PIH1D2: variants seen among roughly 807,000 people sequenced by gnomAD.
PIH1D2 encodes PIH1 domain-containing protein 2.
In PIH1D2, 25 loss-of-function variants were observed where a neutral mutation model predicts 31.2. That is an observed-to-expected ratio of 0.80 (90% confidence interval 0.58 to 1.12). The LOEUF (loss-of-function observed/expected upper bound fraction) is 1.12, where lower values mean the gene tolerates loss of function less well. Among genes scored for constraint, PIH1D2 ranks in the 50% most tolerant of loss-of-function variants. The pLI is 0.00. For synonymous variants in PIH1D2, 116 were observed against 119.9 expected (o/e 0.97, Z 0.21); for missense variants, 310 against 356.6 (o/e 0.87, Z 1.05).
chr11:112,060,918 A>C, downstream of PIH1D2: 1 of 796,844 alleles, frequency 1.3e-6, no homozygotes, highest in Non-Finnish European at 2.0e-6. Context: ...TGTGTATTCC[A>C]TTCAGGCCTT....
chr11:112,071,538 C>A lies in PIH1D2; in HGVS notation c.301+97G>T, dbSNP rs115373177. 2.1e-4 allele frequency: 305 copies of A among 1,432,864 alleles called. No homozygotes were observed. The African/African-American group carries it at 4.1e-3, about 19-fold the overall frequency. 88.8% of individuals were successfully genotyped at this position (1,432,864 alleles called of 1,614,324 possible). Reference sequence around the variant, plus strand: ...ACACTAATTGTAATTATATTATCAACAAATAAAGAGTTTTACTTGAAATGC... The same window carrying A: ...ACACTAATTGTAATTATATTATCAAAAAATAAAGAGTTTTACTTGAAATGC... On this transcript the variant is annotated intron_variant, in intron 3 of 5. Coordinates refer to ENST00000280350, the MANE Select transcript of PIH1D2 (RefSeq NM_138789.4).
chr11:112,073,274 G>T, intron 1 of PIH1D2, 69 bp from the exon 2 acceptor site: 1 of 1,107,984 alleles, frequency 9.0e-7, no homozygotes, highest in Non-Finnish European at 1.3e-6. Flanking sequence ...GCTTTGGGGA[G>T]GTGGAATGGG....
rs79835487 is a variant in PIH1D2 at position 112,073,978 on chromosome 11, A to C, written c.-32+2T>G. ...AATCATTCTATAGGTTGGCAAACCC[A>C]CCTCTTCTCTCAGTTCCTTGACAAA... On this transcript the variant is annotated splice_donor_variant, in intron 1 of 5. Coordinates refer to ENST00000280350, the MANE Select transcript of PIH1D2 (RefSeq NM_138789.4). LOFTEE classifies it low-confidence loss of function (5UTR_SPLICE). 9.1e-3 allele frequency: 1,520 copies of C among 166,968 alleles called. 29 individuals are homozygous for C. The highest frequency in any genetic ancestry group is 0.034 in the African/African-American group (1,425 of 42,104). The allele number at this position is 166,968 out of a possible 1,614,324, so 10.3% of individuals were successfully genotyped here.
downstream of PIH1D2, chr11:112,060,147 T>A (rs2135157763): frequency 9.3e-6 from 12 of 1,285,328 alleles, 1 homozygote; most frequent in South Asian, 1.4e-4. Flanking sequence ...ACCTTTTGAT[T>A]CTGTCACGTA....
At chr11:112,062,034 TGA>T (rs1263660070), downstream of PIH1D2, among the ~76,000 whole-genome samples, 3 of 152,242 alleles carry the variant, frequency 2.0e-5, no homozygotes, top group Non-Finnish European at 4.4e-5. Context: ...TTATTCTAGG[TGA>T]GGAGTCAGCA....
At chr11:112,071,436 T>C (rs1865106762) in intron 3 of PIH1D2, among the ~76,000 whole-genome samples, 153 bp from the exon 4 acceptor site, 1 of 152,220 alleles carries the variant, frequency 6.6e-6, no homozygotes. Flanking sequence ...AATTATGACA[T>C]TTCTTGGCAC....
chr11:112,053,812 A>C, the PIH1D2 span, among the ~76,000 whole-genome samples: 1 of 152,086 alleles, frequency 6.6e-6, no homozygotes, highest in African/African-American at 2.4e-5. Flanking sequence ...CAGATTTCCA[A>C]ATAACATTTT....
At chr11:112,058,635 G>GGA (rs1352684409), downstream of PIH1D2, among the ~76,000 whole-genome samples, 21 of 122,236 alleles carry the variant, frequency 1.7e-4, no homozygotes, top group African/African-American at 4.2e-4. Flanking sequence ...TGGGGGGGGG[G>GGA]AATCACCTTT....
At chr11:112,055,510 C>T in the PIH1D2 span, among the ~76,000 whole-genome samples, 4 of 152,042 alleles carry the variant, frequency 2.6e-5, no homozygotes, top group African/African-American at 9.7e-5. Flanking sequence ...TCCCAAAGTG[C>T]TGGGATTACA....
chr11:112,056,200 T>A, the PIH1D2 span, among the ~76,000 whole-genome samples: 1 of 152,158 alleles, frequency 6.6e-6, no homozygotes, highest in Non-Finnish European at 1.5e-5. Flanking sequence ...ATTTGCCATT[T>A]TACGTATCAT....
chr11:112,073,320 G>T, intron 1 of PIH1D2, 115 bp from the exon 2 acceptor site: 1 of 647,076 alleles, frequency 1.5e-6, no homozygotes, highest in Non-Finnish European at 2.5e-6. Context: ...GACAGCATTT[G>T]TGTCTAAAAG....
chr11:112,056,307 AC>A, the PIH1D2 span, among the ~76,000 whole-genome samples: 1 of 152,044 alleles, frequency 6.6e-6, no homozygotes. Context: ...AATTTTCATC[AC>A]CCCCAAAAGA....
At chr11:112,062,571 C>T (rs587683261), downstream of PIH1D2, 2 of 1,605,094 alleles carry the variant, frequency 1.2e-6, no homozygotes. Context: ...CCAGGTCACA[C>T]TGATTCATTC....
chr11:112,064,651 A>T (rs1420241968), downstream of PIH1D2, among the ~76,000 whole-genome samples: 2 of 152,150 alleles, frequency 1.3e-5, no homozygotes, highest in Non-Finnish European at 1.5e-5. Flanking sequence ...TTTATTCCCA[A>T]TTCTGAAGCT....
At chr11:112,061,790 G>A (rs1566642961), downstream of PIH1D2, among the ~76,000 whole-genome samples, 1 of 152,122 alleles carries the variant, frequency 6.6e-6, no homozygotes, top group East Asian at 1.9e-4. Context: ...TCACCATGTA[G>A]GCCAGGCTGG....
At chr11:112,063,417 A>C (rs149883921), downstream of PIH1D2, 1 of 152,716 alleles carries the variant, frequency 6.5e-6, no homozygotes, top group African/African-American at 2.4e-5. Context: ...CTATCAAATA[A>C]CTAAGGAATA....
At chr11:112,060,158 ATT>A (rs782188808), downstream of PIH1D2, 29,376 of 547,196 alleles carry the variant, frequency 0.054, 34 homozygotes, top group African/African-American at 0.1. Flanking sequence ...CTGTCACGTA[ATT>A]TTTTTTTTTT....
rs146735794 is a variant in PIH1D2, at chr11:112,067,978, T to G, written c.841A>C (p.Lys281Gln). The stretch of plus-strand genomic sequence containing the variant: ...GGAAGATTCAGATGTAATCTGTACT[T>G]CTCAGATACTTCAATCAATAAATCA... ...EDDLLIEVSE[K>Q]YRLHLNLPKL... The change falls in exon 6 of 6, where the codon AAG becomes CAG. Residue 281 changes from lysine to glutamine, a missense_variant. Physicochemically the swap from Lys to Gln is moderately conservative, Grantham distance 53. Transcript: ENST00000280350. 8.8e-6 allele frequency: 14 copies of G among 1,594,230 alleles called. No homozygotes were observed. The highest frequency in any genetic ancestry group is 1.2e-5 in the Non-Finnish European group (14 of 1,165,514).
chr11:112,068,982 G>GTTTGTTTTTTTTTTTTT (rs1865021433), intron 5 of PIH1D2, among the ~76,000 whole-genome samples: 1 of 88,432 alleles, frequency 1.1e-5, no homozygotes, highest in African/African-American at 6.1e-5. Flanking sequence ...AATTTTTTTT[G>GTTTGTTTTTTTTTTTTT]TTTTTTTTTT....
Sources: allele counts gnomAD v4.1 joint callset (sites outside exome capture counted in the v4.1 genomes callset), GRCh38; gene constraint gnomAD v4.1.1; transcripts MANE v1.5; gene names NCBI Gene and HGNC (gene_info 2026-07-23, HGNC 2026-07-21).